The following CFAP69 variants were observed in gnomAD, a reference collection of about 807,000 sequenced individuals.
CFAP69 encodes cilia and flagella associated protein 69, also known as cilia- and flagella-associated protein 69.
Under a neutral mutation model 123.0 loss-of-function variants are expected in CFAP69, and 92 were observed. That is an observed-to-expected ratio of 0.75 (90% CI 0.63 to 0.89). CFAP69 has a LOEUF of 0.89. Ranked by LOEUF, CFAP69 falls within the 40% of genes least tolerant of loss-of-function variation. CFAP69 has a pLI of 0.00. For missense variants in CFAP69, 1,067 were observed against 1,096.9 expected, an observed-to-expected ratio of 0.97 and a Z score of 0.39; for synonymous variants, 380 against 364.3, an observed-to-expected ratio of 1.04 and a Z score of -0.49.
intron 1 of CFAP69, among the ~76,000 whole-genome samples, chr7:90,252,625 T>C (rs1797165255): frequency 1.3e-5 from 2 of 152,154 alleles, no homozygotes; most frequent in Non-Finnish European, 2.9e-5. Context: ...TGAGCCGTGA[T>C]TGCACCACTG....
chr7:90,248,724 G>A (rs890184248), intron 1 of CFAP69, among the ~76,000 whole-genome samples: 1 of 152,042 alleles, frequency 6.6e-6, no homozygotes, highest in African/African-American at 2.4e-5. Flanking sequence ...AATCCCTACT[G>A]TAGTGATTCC....
intron 3 of CFAP69, among the ~76,000 whole-genome samples, chr7:90,258,862 G>T (rs931704565): frequency 1.3e-5 from 2 of 152,020 alleles, no homozygotes; most frequent in Non-Finnish European, 2.9e-5. Flanking sequence ...AGTTTTTGTC[G>T]ATTCAGAAAG....
intron 17 of CFAP69, 146 bp from the exon 18 acceptor site, chr7:90,303,823 A>G: frequency 4.9e-6 from 6 of 1,214,096 alleles, no homozygotes; most frequent in Non-Finnish European, 5.2e-6. Context: ...ATTATTTCAA[A>G]AGTGTAACCG....
At chr7:90,304,992 T>G (rs1485815333) in intron 19 of CFAP69, among the ~76,000 whole-genome samples, 172 bp downstream of exon 19, 1 of 152,168 alleles carries the variant, frequency 6.6e-6, no homozygotes, top group Admixed American at 6.5e-5. Flanking sequence ...ATCCCATGAT[T>G]GGGTGTTTTT....
intron 21 of CFAP69, among the ~76,000 whole-genome samples, chr7:90,308,363 T>TA (rs1041453251): frequency 2.0e-5 from 3 of 152,134 alleles, no homozygotes; most frequent in Admixed American, 1.3e-4. Context: ...GAAACTAATC[T>TA]AAAAAATGTA....
intron 12 of CFAP69, among the ~76,000 whole-genome samples, chr7:90,282,332 G>C (rs1008582127): frequency 1.3e-5 from 2 of 152,132 alleles, no homozygotes; most frequent in African/African-American, 2.4e-5. Context: ...CTGGGCAACA[G>C]AGCAAGACCC....
intron 17 of CFAP69, chr7:90,300,335 C>T (rs1792610077): frequency 1.1e-6 from 1 of 910,314 alleles, no homozygotes; most frequent in Non-Finnish European, 1.3e-6. Context: ...AAAGATGCTT[C>T]TTTGGGTTTT....
chr7:90,254,855 C>T (rs767877484), intron 1 of CFAP69, among the ~76,000 whole-genome samples: 4 of 151,964 alleles, frequency 2.6e-5, no homozygotes, highest in Non-Finnish European at 5.9e-5. Flanking sequence ...GTGGAGTCGA[C>T]GAGAACAGCA....
At chr7:90,320,996 G>C in the CFAP69 span, 1 of 152,266 alleles carries the variant, frequency 6.6e-6, no homozygotes, top group Non-Finnish European at 1.5e-5. Context: ...TCCCGGCGCG[G>C]TGTCCTGGGT....
At chr7:90,259,135 A>G (rs1797995206) in intron 3 of CFAP69, among the ~76,000 whole-genome samples, 2 of 152,322 alleles carry the variant, frequency 1.3e-5, no homozygotes, top group South Asian at 4.1e-4. Context: ...CGTAAAAGCC[A>G]GGTGTGATGG....
At chr7:90,287,981 A>T (rs543730826) in intron 14 of CFAP69, among the ~76,000 whole-genome samples, 71 of 152,226 alleles carry the variant, frequency 4.7e-4, no homozygotes, top group African/African-American at 1.7e-3. Context: ...AAAACAAAAA[A>T]TATCAAGGGA....
intron 12 of CFAP69, among the ~76,000 whole-genome samples, chr7:90,280,815 T>A (rs1463062552): frequency 1.3e-5 from 2 of 152,212 alleles, no homozygotes; most frequent in African/African-American, 4.8e-5. Context: ...CTGGCAATAA[T>A]TTTGTATGAT....
intron 11 of CFAP69, among the ~76,000 whole-genome samples, chr7:90,279,462 T>C (rs1789110447): frequency 6.6e-6 from 1 of 151,830 alleles, no homozygotes; most frequent in South Asian, 2.1e-4. Context: ...TATTTTATAT[T>C]ATTGTCAGGG....
At chr7:90,314,974 C>T (rs139557087), downstream of CFAP69, among the ~76,000 whole-genome samples, 109 of 152,026 alleles carry the variant, frequency 7.2e-4, 1 homozygote, top group East Asian at 0.02. Context: ...CAAAAGATGT[C>T]ATACATGGAG....
At chr7:90,317,644 T>C in the CFAP69 span, 1 of 152,128 alleles carries the variant, frequency 6.6e-6, no homozygotes, top group South Asian at 2.1e-4. Flanking sequence ...CAAAATGTAA[T>C]TTTAAGAGTG....
intron 15 of CFAP69, among the ~76,000 whole-genome samples, chr7:90,291,456 T>C (rs1319534783): frequency 1.3e-5 from 2 of 152,188 alleles, no homozygotes; most frequent in African/African-American, 2.4e-5. Context: ...CTTCATGACC[T>C]GTATCTTTTG....
chr7:90,258,274 A>G, intron 3 of CFAP69, 111 bp downstream of exon 3: 2 of 756,946 alleles, frequency 2.6e-6, no homozygotes, highest in Admixed American at 2.9e-5. Flanking sequence ...CATAAATTTG[A>G]TGGCTTAAAA....
chr7:90,280,087 C>T (rs1206612763), intron 12 of CFAP69, among the ~76,000 whole-genome samples, 194 bp downstream of exon 12: 2 of 152,156 alleles, frequency 1.3e-5, no homozygotes, highest in Non-Finnish European at 2.9e-5. Flanking sequence ...CAGTAAATGT[C>T]ATAGTTGATG....
intron 1 of CFAP69, among the ~76,000 whole-genome samples, chr7:90,249,230 A>C (rs1269645279): frequency 1.3e-5 from 2 of 151,976 alleles, no homozygotes; most frequent in African/African-American, 4.8e-5. Flanking sequence ...GTTTTATAAG[A>C]GGTTCTTCCT....
Sources: gnomAD v4.1 joint callset for allele counts (sites outside exome capture counted in the v4.1 genomes callset) on GRCh38, gnomAD v4.1.1 for gene constraint, MANE v1.5 for transcripts, NCBI Gene and HGNC (gene_info 2026-07-23, HGNC 2026-07-21) for gene names.